The following ATRNL1 variants were observed in gnomAD, a reference collection of about 807,000 sequenced individuals.
ATRNL1 encodes the protein attractin like 1.
Under a neutral mutation model 182.7 loss-of-function variants are expected in ATRNL1, and 95 were observed. That is an observed-to-expected ratio of 0.52 (90% CI 0.44 to 0.62). The LOEUF (loss-of-function observed/expected upper bound fraction) is 0.62. Among genes scored for constraint, ATRNL1 ranks in the 20% least tolerant of loss-of-function variants. ATRNL1 has a pLI of 0.00. For synonymous variants in ATRNL1, 576 were observed against 568.3 expected, an observed-to-expected ratio of 1.01 and a Z score of -0.19; for missense variants, 1,471 against 1,679.5, an observed-to-expected ratio of 0.88 and a Z score of 2.17.
chr10:115,332,399 G>T (rs1163661039), intron 18 of ATRNL1, among the ~76,000 whole-genome samples: 1 of 151,982 alleles, frequency 6.6e-6, no homozygotes, highest in Non-Finnish European at 1.5e-5. Context: ...TTTCTTCGTG[G>T]GTATAATTGT....
At chr10:115,221,190 C>A (rs1554897370) in intron 9 of ATRNL1, among the ~76,000 whole-genome samples, 1 of 152,216 alleles carries the variant, frequency 6.6e-6, no homozygotes, top group East Asian at 1.9e-4. Context: ...GCTGTAAAGA[C>A]AGATGAAGCT....
intron 26 of ATRNL1, among the ~76,000 whole-genome samples, chr10:115,587,028 C>G (rs376077235): frequency 8.7e-4 from 129 of 149,004 alleles, no homozygotes; most frequent in South Asian, 5.0e-3. Context: ...AGGTGTCAGT[C>G]TGCCCCTACT....
chr10:115,415,751 G>T (rs1845358563), intron 20 of ATRNL1, among the ~76,000 whole-genome samples: 1 of 151,668 alleles, frequency 6.6e-6, no homozygotes, highest in African/African-American at 2.4e-5. Flanking sequence ...ATGGTATGAG[G>T]ATTGGATCTG....
intron 8 of ATRNL1, among the ~76,000 whole-genome samples, chr10:115,194,138 A>G (rs782104559): frequency 6.6e-6 from 1 of 151,978 alleles, no homozygotes; most frequent in Non-Finnish European, 1.5e-5. Flanking sequence ...CTTGGAGAGC[A>G]TTCTATGTGC....
intron 24 of ATRNL1, among the ~76,000 whole-genome samples, chr10:115,482,693 T>G (rs567676362): frequency 1.9e-4 from 28 of 151,284 alleles, no homozygotes; most frequent in African/African-American, 6.7e-4. Flanking sequence ...GTCCCAAGAA[T>G]TAGAGCTTTA....
chr10:115,620,926 AT>A (rs1299894892), intron 26 of ATRNL1, among the ~76,000 whole-genome samples: 15 of 151,878 alleles, frequency 9.9e-5, no homozygotes, highest in Non-Finnish European at 1.9e-4. Flanking sequence ...TTTCATAGAA[AT>A]TTTTTTCTAA....
chr10:115,438,187 C>T (rs1241272588), intron 21 of ATRNL1, among the ~76,000 whole-genome samples: 1 of 151,940 alleles, frequency 6.6e-6, no homozygotes, highest in East Asian at 1.9e-4. Context: ...TTTACATGAG[C>T]AGTGCCATTG....
intron 27 of ATRNL1, among the ~76,000 whole-genome samples, chr10:115,803,428 A>G (rs1303642449): frequency 1.3e-5 from 2 of 152,152 alleles, no homozygotes; most frequent in Non-Finnish European, 2.9e-5. Flanking sequence ...AATAGACTAC[A>G]TTTATGATTT....
intron 24 of ATRNL1, among the ~76,000 whole-genome samples, chr10:115,476,628 C>G (rs1554973167): frequency 6.6e-6 from 1 of 151,060 alleles, no homozygotes; most frequent in Non-Finnish European, 1.5e-5. Context: ...ATGAAATGTT[C>G]TTTTTTGTCT....
chr10:115,515,131 G>A (rs1850572317), intron 24 of ATRNL1, among the ~76,000 whole-genome samples: 1 of 151,660 alleles, frequency 6.6e-6, no homozygotes. Flanking sequence ...TATTCAAGTT[G>A]GCCTGGCCTA....
intron 21 of ATRNL1, among the ~76,000 whole-genome samples, chr10:115,429,733 T>C (rs1280932570): frequency 6.6e-6 from 1 of 152,144 alleles, no homozygotes; most frequent in Non-Finnish European, 1.5e-5. Flanking sequence ...TTTTTGAATG[T>C]TATTTTTTCT....
intron 17 of ATRNL1, among the ~76,000 whole-genome samples, chr10:115,305,881 C>T (rs1483526020): frequency 6.6e-6 from 1 of 152,080 alleles, no homozygotes; most frequent in Non-Finnish European, 1.5e-5. Flanking sequence ...GGCAATGCTC[C>T]ACTTCTAGGC....
chr10:115,399,018 C>T (rs1195319467), intron 20 of ATRNL1, among the ~76,000 whole-genome samples: 1 of 151,928 alleles, frequency 6.6e-6, no homozygotes, highest in Non-Finnish European at 1.5e-5. Flanking sequence ...TGCTGATTTG[C>T]TTATGTTGAA....
At chr10:115,275,631 C>T (rs563990854) in intron 13 of ATRNL1, among the ~76,000 whole-genome samples, 4 of 152,090 alleles carry the variant, frequency 2.6e-5, no homozygotes, top group African/African-American at 9.7e-5. Flanking sequence ...TTATGTTTCC[C>T]AATTCAGTGG....
intron 19 of ATRNL1, among the ~76,000 whole-genome samples, chr10:115,347,989 T>G (rs1013143664): frequency 2.3e-4 from 35 of 152,178 alleles, no homozygotes; most frequent in African/African-American, 8.4e-4. Context: ...AATTTTATTT[T>G]TTGAGATGCA....
At chr10:115,498,023 A>G (rs1035977418) in intron 24 of ATRNL1, among the ~76,000 whole-genome samples, 1 of 152,200 alleles carries the variant, frequency 6.6e-6, no homozygotes, top group Non-Finnish European at 1.5e-5. Flanking sequence ...CATTAGAAAG[A>G]GTCTTCTCAA....
intron 8 of ATRNL1, among the ~76,000 whole-genome samples, chr10:115,201,596 G>A (rs1848581556): frequency 6.6e-6 from 1 of 152,140 alleles, no homozygotes; most frequent in South Asian, 2.1e-4. Context: ...CTATATCTCT[G>A]TTTTGGTACC....
chr10:115,395,511 C>A lies in ATRNL1; in HGVS notation c.3269+759C>A, dbSNP rs148575195. On this transcript the variant is annotated intron_variant, in intron 20 of 28. Coordinates refer to ENST00000355044, the MANE Select transcript of ATRNL1 (RefSeq NM_207303.4). ...ATCTTATGTATCAAATCTACATTAT[C>A]TTTACACTTTTCTTTCATATTATAC... Among the ~76,000 whole-genome samples the A allele has an allele frequency of 9.9e-5, 15 of 151,962 alleles. No homozygotes were observed. The East Asian group carries it at 2.7e-3, about 27-fold the overall frequency.
At chr10:115,772,364 C>G (rs185525031) in intron 27 of ATRNL1, among the ~76,000 whole-genome samples, 1 of 152,074 alleles carries the variant, frequency 6.6e-6, no homozygotes, top group Non-Finnish European at 1.5e-5. Flanking sequence ...TGTTCCCTTA[C>G]GAAAACGTGA....
Sources: allele counts gnomAD v4.1 joint callset (sites outside exome capture counted in the v4.1 genomes callset), GRCh38; gene constraint gnomAD v4.1.1; transcripts MANE v1.5; gene names NCBI Gene and HGNC (gene_info 2026-07-23, HGNC 2026-07-21).